The following ROBO1 variants were observed in gnomAD, a reference collection of about 807,000 sequenced individuals.
ROBO1 encodes roundabout homolog 1.
ROBO1 carries 149 observed loss-of-function variants against 195.9 expected under a neutral mutation model. The ratio of observed to expected loss-of-function variants is 0.76; its 90% confidence interval spans 0.67 to 0.87. The LOEUF (loss-of-function observed/expected upper bound fraction) is 0.87. ROBO1 is among the 40% of genes least tolerant of loss of function. The probability of loss-of-function intolerance (pLI) is 0.00; values close to 1 mark genes in which losing one functional copy is unlikely to be tolerated. For synonymous variants in ROBO1, 816 were observed against 733.2 expected (o/e 1.11, Z -1.82); for missense variants, 1,933 against 2,068.3 (o/e 0.93, Z 1.27).
chr3:79,212,530 A>G (rs970237533), intron 2 of ROBO1, among the ~76,000 whole-genome samples: 4 of 152,140 alleles, frequency 2.6e-5, no homozygotes, highest in African/African-American at 9.7e-5. Flanking sequence ...GACCATAAAC[A>G]TGGATCCTAG....
At chr3:78,711,323 CT>C (rs2081686730) in intron 8 of ROBO1, among the ~76,000 whole-genome samples, 1 of 137,208 alleles carries the variant, frequency 7.3e-6, no homozygotes, top group Admixed American at 7.4e-5. Context: ...TTCTCTCTCT[CT>C]CTCCTTCCTT....
chr3:79,145,171 T>C (rs1440656580), intron 2 of ROBO1, among the ~76,000 whole-genome samples: 3 of 151,984 alleles, frequency 2.0e-5, no homozygotes. Context: ...AGGAAATATA[T>C]AGGTAACTTT....
chr3:79,204,141 G>C (rs879351110), intron 2 of ROBO1, among the ~76,000 whole-genome samples: 1 of 152,122 alleles, frequency 6.6e-6, no homozygotes, highest in African/African-American at 2.4e-5. Flanking sequence ...TTTGATACCT[G>C]TATACAATGT....
At chr3:79,690,203 G>T (rs1947259670) in intron 1 of ROBO1, among the ~76,000 whole-genome samples, 1 of 151,796 alleles carries the variant, frequency 6.6e-6, no homozygotes, top group African/African-American at 2.4e-5. Flanking sequence ...ACCTCATATG[G>T]AAAAAAAGAT....
At chr3:78,774,618 A>T (rs904335510) in intron 4 of ROBO1, among the ~76,000 whole-genome samples, 1,866 of 151,576 alleles carry the variant, frequency 0.012, 43 homozygotes, top group Admixed American at 0.049. Context: ...AAAAAAAAAA[A>T]ATCTACCACT....
chr3:78,983,485 C>T (rs1044380383), intron 3 of ROBO1, among the ~76,000 whole-genome samples: 5 of 152,180 alleles, frequency 3.3e-5, no homozygotes, highest in Admixed American at 1.3e-4. Flanking sequence ...AGGACATTTG[C>T]TATAATGCTG....
chr3:78,812,121 A>G (rs1453014761), intron 4 of ROBO1, among the ~76,000 whole-genome samples: 1 of 152,128 alleles, frequency 6.6e-6, no homozygotes, highest in Non-Finnish European at 1.5e-5. Context: ...ATGCATCTAA[A>G]TCAAGAGTGA....
chr3:79,724,289 A>G lies in ROBO1; in HGVS notation c.-51+43463T>C, dbSNP rs191119393. On this transcript the variant is annotated intron_variant, in intron 1 of 30. Coordinates refer to ENST00000464233, the MANE Select transcript of ROBO1 (RefSeq NM_002941.4). ...TGGTTAATGGGCTAAAACATAGTCA[A>G]TTAAGAAACTCGAAACTCACTTTAA... Among the ~76,000 whole-genome samples, 4 of 152,334 alleles carry G rather than the reference A, an allele frequency of 2.6e-5. No homozygotes were observed. In the East Asian group the frequency reaches 7.7e-4, roughly 29 times the overall value.
At chr3:78,831,324 C>T (rs552114211) in intron 4 of ROBO1, among the ~76,000 whole-genome samples, 186 of 152,116 alleles carry the variant, frequency 1.2e-3, no homozygotes, top group African/African-American at 4.2e-3. Context: ...CAAAGTTGAC[C>T]TGCCTAAAAA....
chr3:79,105,992 G>A (rs1408115732), intron 3 of ROBO1, among the ~76,000 whole-genome samples: 1 of 151,638 alleles, frequency 6.6e-6, no homozygotes, highest in Non-Finnish European at 1.5e-5. Context: ...TTAAAGTAAG[G>A]TAATGTATAT....
intron 2 of ROBO1, among the ~76,000 whole-genome samples, chr3:79,461,893 T>C (rs1410548481): frequency 6.6e-6 from 1 of 152,120 alleles, no homozygotes; most frequent in Non-Finnish European, 1.5e-5. Context: ...CAAAAAAAGG[T>C]TGTGTAAAGA....
chr3:79,271,027 T>C (rs567463967), intron 2 of ROBO1, among the ~76,000 whole-genome samples: 4 of 152,076 alleles, frequency 2.6e-5, no homozygotes, highest in Non-Finnish European at 4.4e-5. Context: ...GTGGAAATAA[T>C]GGAGCTGTAG....
chr3:79,399,585 C>T (rs576037557), intron 2 of ROBO1, among the ~76,000 whole-genome samples: 1 of 152,116 alleles, frequency 6.6e-6, no homozygotes, highest in Non-Finnish European at 1.5e-5. Flanking sequence ...AGCGATCATG[C>T]CCATTCTGGC....
chr3:79,533,897 T>C (rs1941753036), intron 2 of ROBO1, among the ~76,000 whole-genome samples: 1 of 152,068 alleles, frequency 6.6e-6, no homozygotes, highest in Non-Finnish European at 1.5e-5. Context: ...TGAAGATATT[T>C]CCTTACAGGG....
chr3:79,080,708 T>C lies in ROBO1; in HGVS notation c.172+44748A>G, dbSNP rs192349537. ...AAATTTTAGGAAAGGTCATGGCCGC[T>C]CTAATTCATGCAGCCTTCATGTTTT... On this transcript the variant is annotated intron_variant, in intron 3 of 30. Transcript: ENST00000464233. Among the ~76,000 whole-genome samples, 528 of 152,208 alleles carry C rather than the reference T, an allele frequency of 3.5e-3. 5 individuals carry two copies. Among genetic ancestry groups the C allele is most frequent in the African/African-American group, 0.012 (503 of 41,556 alleles).
intron 2 of ROBO1, among the ~76,000 whole-genome samples, chr3:79,578,625 C>G (rs1943567529): frequency 6.6e-6 from 1 of 152,170 alleles, no homozygotes; most frequent in Non-Finnish European, 1.5e-5. Context: ...ACAGTGTCTA[C>G]TGGAGCTATA....
chr3:79,756,276 G>T (rs1448269541), intron 1 of ROBO1, among the ~76,000 whole-genome samples: 1 of 152,140 alleles, frequency 6.6e-6, no homozygotes, highest in African/African-American at 2.4e-5. Flanking sequence ...ATTGGGCTGG[G>T]TGCGGTGGCT....
At chr3:79,057,506 G>T (rs1285923117) in intron 3 of ROBO1, among the ~76,000 whole-genome samples, 1 of 151,782 alleles carries the variant, frequency 6.6e-6, no homozygotes, top group Non-Finnish European at 1.5e-5. Context: ...AATCAAAATG[G>T]GTCTGGTTCA....
chr3:79,076,699 G>A (rs528576232), intron 3 of ROBO1, among the ~76,000 whole-genome samples: 7 of 151,780 alleles, frequency 4.6e-5, no homozygotes, highest in African/African-American at 1.7e-4. Context: ...TTCTAGGGAG[G>A]AAGAATTTGT....
Sources: gnomAD v4.1 joint callset for allele counts (sites outside exome capture counted in the v4.1 genomes callset) on GRCh38, gnomAD v4.1.1 for gene constraint, MANE v1.5 for transcripts, NCBI Gene and HGNC (gene_info 2026-07-23, HGNC 2026-07-21) for gene names.